KHDRBS2: variants seen among roughly 807,000 people sequenced by gnomAD.
KHDRBS2 encodes KH domain-containing, RNA-binding, signal transduction-associated protein 2.
Under a neutral mutation model 44.3 loss-of-function variants are expected in KHDRBS2, and 26 were observed. The observed-to-expected ratio is 0.59, with a 90% CI of 0.43 to 0.81. The LOEUF (loss-of-function observed/expected upper bound fraction) is 0.81, where lower values mean the gene tolerates loss of function less well. Among genes scored for constraint, KHDRBS2 ranks in the 40% least tolerant of loss-of-function variants. The pLI, the probability that KHDRBS2 is intolerant of heterozygous loss-of-function variation, is 0.00. For synonymous variants in KHDRBS2, 194 were observed against 151.1 expected, an observed-to-expected ratio of 1.28 and a Z score of -2.08; for missense variants, 476 against 433.1, an observed-to-expected ratio of 1.10 and a Z score of -0.88.
At chr6:61,671,844 T>G in the KHDRBS2 span, among the ~76,000 whole-genome samples, 12 of 151,736 alleles carry the variant, frequency 7.9e-5, no homozygotes, top group African/African-American at 2.9e-4. Context: ...TTTTTTAAAT[T>G]TATTTATTTA....
the KHDRBS2 span, among the ~76,000 whole-genome samples, chr6:61,610,465 T>A: frequency 6.6e-6 from 1 of 152,202 alleles, no homozygotes; most frequent in African/African-American, 2.4e-5. Context: ...TGGGTGTTTG[T>A]GGGTCAGAAT....
chr6:61,986,619 C>A (rs543736280), intron 3 of KHDRBS2, among the ~76,000 whole-genome samples: 2 of 152,268 alleles, frequency 1.3e-5, no homozygotes, highest in South Asian at 4.1e-4. Context: ...CTGCAAAATA[C>A]CATAAACTGA....
intron 6 of KHDRBS2, among the ~76,000 whole-genome samples, chr6:61,762,287 G>A (rs1184596318): frequency 6.6e-6 from 1 of 152,162 alleles, no homozygotes; most frequent in African/African-American, 2.4e-5. Context: ...TTTGACCTGG[G>A]AAGAGTCTAC....
At position 61,938,596 on chromosome 6, in the gene KHDRBS2, A is replaced by T. The variant is rs183441049; in HGVS notation, c.484-37225T>A. 5.6e-3 allele frequency among the ~76,000 whole-genome samples: 853 copies of T among 152,306 alleles called. 19 individuals carry two copies. The highest frequency in any genetic ancestry group is 3.4e-3 in the Middle Eastern group (1 of 294). On this transcript the variant is annotated intron_variant, in intron 4 of 8. Coordinates refer to ENST00000281156, the MANE Select transcript of KHDRBS2 (RefSeq NM_152688.4). ...CTCTGGTAGTGTTCTACATCATGGC[A>T]TGAGAGAACTGTGAAAGGAAGGCAT...
At chr6:62,261,088 G>C (rs560940287) in intron 1 of KHDRBS2, among the ~76,000 whole-genome samples, 1 of 151,874 alleles carries the variant, frequency 6.6e-6, no homozygotes, top group South Asian at 2.1e-4. Context: ...CTTTTAATGT[G>C]AAAAACTGAA....
intron 4 of KHDRBS2, among the ~76,000 whole-genome samples, chr6:61,971,403 G>A (rs1447412568): frequency 6.6e-6 from 1 of 151,706 alleles, no homozygotes; most frequent in African/African-American, 2.4e-5. Context: ...ATCAAGGAAG[G>A]GCAATTCAAA....
the KHDRBS2 span, among the ~76,000 whole-genome samples, chr6:61,576,240 T>C: frequency 6.6e-6 from 1 of 152,194 alleles, no homozygotes; most frequent in Admixed American, 6.6e-5. Context: ...TTCATTTTTT[T>C]GGGTTATCTA....
intron 1 of KHDRBS2, among the ~76,000 whole-genome samples, chr6:62,269,820 G>T (rs1276567259): frequency 6.6e-6 from 1 of 151,912 alleles, no homozygotes; most frequent in Non-Finnish European, 1.5e-5. Context: ...ACACTGAAAG[G>T]AGCCCATATG....
chr6:61,552,111 G>A, the KHDRBS2 span, among the ~76,000 whole-genome samples: 2 of 151,920 alleles, frequency 1.3e-5, no homozygotes, highest in African/African-American at 4.8e-5. Flanking sequence ...TTGGTAAATG[G>A]CCATTTTAAC....
At chr6:61,720,026 G>T (rs1321834503) in intron 7 of KHDRBS2, among the ~76,000 whole-genome samples, 2 of 151,984 alleles carry the variant, frequency 1.3e-5, no homozygotes, top group African/African-American at 4.8e-5. Context: ...AGAATATGCG[G>T]TGTTTGGTTT....
In KHDRBS2 at chr6:61,949,501, A is replaced by G. The variant is rs189444439; in HGVS notation, c.483+28565T>C. Among the ~76,000 whole-genome samples the G allele has an allele frequency of 2.8e-3, 423 of 152,228 alleles. 2 individuals carry two copies. The highest frequency in any genetic ancestry group is 3.7e-3 in the Non-Finnish European group (252 of 68,006). ...TATATGGTTTTACATATATGCTATAACTTAAAGGCTATCCATCTCTGTTTA... is the reference window on the plus strand; with the variant it reads ...TATATGGTTTTACATATATGCTATAGCTTAAAGGCTATCCATCTCTGTTTA... On this transcript the variant is annotated intron_variant, in intron 4 of 8. Transcript: ENST00000281156.
At chr6:61,966,801 T>C (rs1770043756) in intron 4 of KHDRBS2, among the ~76,000 whole-genome samples, 1 of 151,940 alleles carries the variant, frequency 6.6e-6, no homozygotes, top group African/African-American at 2.4e-5. Flanking sequence ...GGCTCAGACA[T>C]TTCTTTTTAT....
chr6:62,197,919 C>A (rs1297055540), intron 1 of KHDRBS2, among the ~76,000 whole-genome samples: 1 of 152,142 alleles, frequency 6.6e-6, no homozygotes, highest in Non-Finnish European at 1.5e-5. Flanking sequence ...AACTACAACT[C>A]AGCATTAAGA....
chr6:61,549,549 T>A, the KHDRBS2 span, among the ~76,000 whole-genome samples: 1 of 152,164 alleles, frequency 6.6e-6, no homozygotes, highest in Non-Finnish European at 1.5e-5. Context: ...GAGTTAGCTC[T>A]AATAACAGTA....
chr6:61,649,064 T>G, the KHDRBS2 span, among the ~76,000 whole-genome samples: 16 of 152,166 alleles, frequency 1.1e-4, no homozygotes, highest in Admixed American at 7.2e-4. Context: ...CTTTGACAGG[T>G]TCTCACGTGG....
At chr6:61,661,618 G>A in the KHDRBS2 span, among the ~76,000 whole-genome samples, 3 of 151,830 alleles carry the variant, frequency 2.0e-5, no homozygotes, top group African/African-American at 7.2e-5. Context: ...CTCCTGAGAG[G>A]TTTTTTAAAT....
At chr6:62,227,993 T>C (rs1055573477) in intron 1 of KHDRBS2, among the ~76,000 whole-genome samples, 1 of 152,172 alleles carries the variant, frequency 6.6e-6, no homozygotes, top group African/African-American at 2.4e-5. Context: ...TTGTTGTTGT[T>C]GTTTCTCTGC....
chr6:61,937,136 T>A (rs2036466), intron 4 of KHDRBS2, among the ~76,000 whole-genome samples: 3 of 151,558 alleles, frequency 2.0e-5, no homozygotes, highest in African/African-American at 4.8e-5. Context: ...GGTCATCTTC[T>A]CAGGTCCATC....
chr6:61,995,522 G>A (rs1443439609), intron 3 of KHDRBS2, among the ~76,000 whole-genome samples: 1 of 152,138 alleles, frequency 6.6e-6, no homozygotes, highest in Non-Finnish European at 1.5e-5. Flanking sequence ...GTTTGCTTTG[G>A]GAAGTCCAGG....
Sources: gnomAD v4.1 joint callset for allele counts (sites outside exome capture counted in the v4.1 genomes callset) on GRCh38, gnomAD v4.1.1 for gene constraint, MANE v1.5 for transcripts, NCBI Gene and HGNC (gene_info 2026-07-23, HGNC 2026-07-21) for gene names.